The following PPP1R26 variants were observed in gnomAD, a reference collection of about 807,000 sequenced individuals.
PPP1R26 encodes the protein 1A6/DRIM (down-regulated in metastasis) interacting protein.
PPP1R26 carries 22 observed loss-of-function variants against 67.6 expected under a neutral mutation model. The ratio of observed to expected loss-of-function variants is 0.33; its 90% CI spans 0.23 to 0.46. The LOEUF is 0.46. Ranked by LOEUF, PPP1R26 falls within the 20% of genes least tolerant of loss-of-function variation. The pLI, the probability that PPP1R26 is intolerant of heterozygous loss-of-function variation, is 1.00. For synonymous variants in PPP1R26, 729 were observed against 717.2 expected (o/e 1.02, Z -0.26); for missense variants, 1,602 against 1,651.4 (o/e 0.97, Z 0.52).
In PPP1R26 at chr9:135,482,693, A is replaced by G. The variant is rs1830560733; in HGVS notation, c.-318A>G. On this transcript the variant is annotated 5_prime_UTR_variant, in exon 2 of 4. Transcript: ENST00000356818. ...CTTTGATTCTGGTAGTCAAAAGTCT[A>G]TTGAAAAAGCAGAGAGAGAATGCCT... The G allele has an allele frequency of 7.5e-6, 3 of 398,512 alleles. No individual in the cohort carries two copies. In the Admixed American group the frequency reaches 1.3e-4, roughly 18 times the overall value. The allele number at this position is 398,512 out of a possible 1,614,324, so 24.7% of individuals were successfully genotyped here.
At position 135,485,136 on chromosome 9, in the gene PPP1R26, G is replaced by T; in HGVS notation, c.626G>T (p.Gly209Val). 6.2e-7 allele frequency: 1 copy of T among 1,612,892 alleles called. No homozygotes were observed. The highest frequency in any genetic ancestry group is 8.5e-7 in the Non-Finnish European group (1 of 1,179,854). Residue 209 changes from glycine (G) to valine (V), a missense_variant, in exon 4 of 4, where the codon GGC (glycine) becomes GTC (valine). This residue lies in a region of PPP1R26 where 680 missense variants were observed against 726.1 expected (regional missense o/e 0.94). Transcript: ENST00000356818. This position sits in a 1 kb window ranked among gnomAD's most constrained non-coding sequence, Gnocchi z 7.2. Reference sequence around the variant, plus strand: ...CAGGTGGGATCCAGCAAGGACCAGGGCTCCGCCTCCCCGGTCAGTGTGAGC... The same window carrying T: ...CAGGTGGGATCCAGCAAGGACCAGGTCTCCGCCTCCCCGGTCAGTGTGAGC... ...GSQVGSSKDQ[G>V]SASPVSVSSD... is the part of the protein sequence containing the mutation.
chr9:135,487,129 G>T lies in PPP1R26; in HGVS notation c.2619G>T (p.Arg873Ser). The change falls in exon 4 of 4, where the codon AGG becomes AGT. Residue 873 changes from arginine to serine, a missense_variant. Arg to Ser is a moderately radical substitution (Grantham distance 110). Transcript: ENST00000356818. ...CTCTTGGGACAGGGGGCCCAGCCAG[G>T]CCAGAGGTGCTGTGCAGGAAGGAGC... ...PTALGTGGPA[R>S]PEVLCRKEPA... 1 of 1,609,550 alleles carries T rather than the reference G, an allele frequency of 6.2e-7. No individual in the cohort carries two copies. The highest frequency in any genetic ancestry group is 2.2e-5 in the East Asian group (1 of 44,860).
chr9:135,482,269 G>A (rs573457661), intron 1 of PPP1R26, among the ~76,000 whole-genome samples: 109 of 152,302 alleles, frequency 7.2e-4, no homozygotes, highest in African/African-American at 2.5e-3. Flanking sequence ...TAAGGCAGGC[G>A]TGGGTTTGCT....
chr9:135,485,379 G>A lies in PPP1R26; in HGVS notation c.869G>A (p.Arg290His), dbSNP rs142983153. The change falls in exon 4 of 4, where the codon CGC becomes CAC. Residue 290 changes from arginine (R) to histidine (H), a missense_variant. Physicochemically the swap from Arg to His is conservative, Grantham distance 29. This residue lies in a region of PPP1R26 where 680 missense variants were observed against 726.1 expected (regional missense o/e 0.94). Coordinates refer to ENST00000356818, the MANE Select transcript of PPP1R26 (RefSeq NM_014811.5). This position sits in a 1 kb window ranked among gnomAD's most constrained non-coding sequence, Gnocchi z 7.2. ...LLGVQKEFAF[R>H]KPPRLAKMNV... The stretch of plus-strand genomic sequence containing the variant: ...GGCGTCCAGAAGGAGTTTGCCTTCC[G>A]CAAACCTCCCCGGTTAGCGAAGATG... 2.2e-4 allele frequency: 361 copies of A among 1,612,738 alleles called. 1 individual carries two copies. Among genetic ancestry groups the A allele is most frequent in the Admixed American group, 7.5e-4 (45 of 59,980 alleles).
In PPP1R26 at chr9:135,485,388, C is replaced by G. The variant is rs773333544; in HGVS notation, c.878C>G (p.Pro293Arg). The change falls in exon 4 of 4, where the codon CCC becomes CGC. Residue 293 changes from proline (P) to arginine (R), a missense_variant. By Grantham distance (103) the Pro-to-Arg change is moderately radical (BLOSUM62 -2). This residue lies in a region of PPP1R26 where 680 missense variants were observed against 726.1 expected (regional missense o/e 0.94). Transcript: ENST00000356818. The surrounding 1 kb of genome is among the most constrained non-coding windows in gnomAD (Gnocchi z 7.2). The part of the protein sequence containing the change: ...VQKEFAFRKP[P>R]RLAKMNVQPR... ...AAGGAGTTTGCCTTCCGCAAACCTC[C>G]CCGGTTAGCGAAGATGAACGTCCAG... The G allele has an allele frequency of 2.5e-6, 4 of 1,612,912 alleles. No individual in the cohort carries two copies. The highest frequency in any genetic ancestry group is 3.4e-6 in the Non-Finnish European group (4 of 1,180,008).
Position 135,484,564 on chromosome 9 carries a change from C to G in PPP1R26, c.54C>G (p.Ala18=), listed in dbSNP as rs573605570. ...TTGCTCTCCAGTCCAAATGGGAGGCCTTTGGCCCGCCAGGGAGCTGTAGGT... is the reference window on the plus strand; with the variant it reads ...TTGCTCTCCAGTCCAAATGGGAGGCGTTTGGCCCGCCAGGGAGCTGTAGGT... ...PVVALQSKWE[A]FGPPGSCRFP... Residue 18 remains alanine, a synonymous_variant, in exon 4 of 4, where the codon GCC becomes GCG. Coordinates refer to ENST00000356818, the MANE Select transcript of PPP1R26 (RefSeq NM_014811.5). The G allele has an allele frequency of 1.6e-5, 26 of 1,611,976 alleles. No individual in the cohort carries two copies. In the African/African-American group the frequency reaches 2.5e-4, roughly 16 times the overall value.
In PPP1R26 at chr9:135,486,481, C is replaced by A. The variant is rs770865939; in HGVS notation, c.1971C>A (p.Gly657=). 1.9e-6 allele frequency: 3 copies of A among 1,612,674 alleles called. No homozygotes were observed. In the East Asian group the frequency reaches 6.7e-5, roughly 36 times the overall value. The stretch of plus-strand genomic sequence containing the variant: ...GGGAGGGCACCGCCAGGGGCCCTGG[C>A]GACACTCGCATGTCACAGGGCCAGG... ...LGGEGTARGP[G]DTRMSQGQGK... Residue 657 remains glycine (G), a synonymous_variant, in exon 4 of 4, where the codon GGC becomes GGA. Transcript: ENST00000356818. The surrounding 1 kb of genome is among the most constrained non-coding windows in gnomAD (Gnocchi z 6.2).
chr9:135,486,581 G>A lies in PPP1R26; in HGVS notation c.2071G>A (p.Glu691Lys). The change falls in exon 4 of 4, where the codon GAG (glutamate) becomes AAG (lysine). Residue 691 changes from glutamate (E) to lysine (K), a missense_variant. Physicochemically the swap from Glu to Lys is moderately conservative, Grantham distance 56. Transcript: ENST00000356818. The surrounding 1 kb of genome is among the most constrained non-coding windows in gnomAD (Gnocchi z 6.2). The stretch of plus-strand genomic sequence containing the variant: ...CAAAAGCAGCTCCCTGGACAGTGAC[G>A]AGGACCTGGACACAGCCATCAAGGA... The part of the protein sequence containing the change: ...EDKSSSLDSD[E>K]DLDTAIKDLL... 7 of 1,612,144 alleles carry A rather than the reference G, an allele frequency of 4.3e-6. No individual in the cohort carries two copies. The highest frequency in any genetic ancestry group is 1.1e-5 in the South Asian group (1 of 91,010).
chr9:135,487,770 T>C lies in PPP1R26; in HGVS notation c.3260T>C (p.Phe1087Ser). The C allele has an allele frequency of 2.0e-6, 3 of 1,512,272 alleles. No homozygotes were observed. Among genetic ancestry groups the C allele is most frequent in the Non-Finnish European group, 2.6e-6 (3 of 1,133,654 alleles). The allele number at this position is 1,512,272 out of a possible 1,614,324, so 93.7% of individuals were successfully genotyped here. Residue 1087 changes from phenylalanine to serine, a missense_variant, in exon 4 of 4, where the codon TTC becomes TCC. Transcript: ENST00000356818. ...GFSPLLSTQL[F>S]HFGKGVSWGG... ...TCGCCGCTGCTGTCCACCCAGCTCT[T>C]CCACTTTGGAAAGGGTGTCTCCTGG...
rs569134904 is a variant in PPP1R26 at position 135,487,103 on chromosome 9, G to T, written c.2593G>T (p.Ala865Ser). Residue 865 changes from alanine to serine, a missense_variant, in exon 4 of 4, where the codon GCT becomes TCT. By Grantham distance (99) the Ala-to-Ser change is moderately conservative (BLOSUM62 1). Transcript: ENST00000356818. ...AGAAGTTCAGGCAGAGGGCCCCACC[G>T]CTCTTGGGACAGGGGGCCCAGCCAG... ...SSEVQAEGPT[A>S]LGTGGPARPE... is the part of the protein sequence containing the mutation. 5 of 1,611,548 alleles carry T rather than the reference G, an allele frequency of 3.1e-6. No homozygotes were observed. The African/African-American group carries it at 5.3e-5, about 17-fold the overall frequency.
At position 135,485,502 on chromosome 9, in the gene PPP1R26, C is replaced by T. The variant is rs760394859; in HGVS notation, c.992C>T (p.Ala331Val). 4 of 1,613,134 alleles carry T rather than the reference C, an allele frequency of 2.5e-6. No homozygotes were observed. The highest frequency in any genetic ancestry group is 2.5e-6 in the Non-Finnish European group (3 of 1,180,002). Residue 331 changes from alanine (A) to valine (V), a missense_variant, in exon 4 of 4, where the codon GCA becomes GTA. By Grantham distance (64) the Ala-to-Val change is moderately conservative. Around this residue, in one of 5 missense-constraint regions of PPP1R26, gnomAD observed 680 missense variants for 726.1 expected, o/e 0.94. Coordinates refer to ENST00000356818, the MANE Select transcript of PPP1R26 (RefSeq NM_014811.5). The surrounding 1 kb of genome is among the most constrained non-coding windows in gnomAD (Gnocchi z 7.2). The stretch of plus-strand genomic sequence containing the variant: ...ACCCCCTGCCGCCCTTCAGAAGCAG[C>T]ACAGAATAAAGGTGGGATCAAAAGG... ...PATPCRPSEA[A>V]QNKGGIKRSA...
chr9:135,479,563 C>CG (rs1564200999), upstream of PPP1R26: 1 of 145,984 alleles, frequency 6.9e-6, no homozygotes, highest in Non-Finnish European at 1.5e-5. This position sits in a 1 kb window ranked among gnomAD's most constrained non-coding sequence, Gnocchi z 5.9. Flanking sequence ...CGGGGCGGGG[C>CG]GGGGGCGTCC....
Position 135,482,728 on chromosome 9 carries a change from A to G in PPP1R26, c.-283A>G. The stretch of plus-strand genomic sequence containing the variant: ...CAGAGAGAGAATGCCTCGGTGTGTA[A>G]GTGGAGTGATGAGGACCTGATCTCT... On this transcript the variant is annotated 5_prime_UTR_variant, in exon 2 of 4. Transcript: ENST00000356818. 2.5e-6 allele frequency: 1 copy of G among 398,544 alleles called. No individual in the cohort carries two copies. Among genetic ancestry groups the G allele is most frequent in the Non-Finnish European group, 4.4e-6 (1 of 226,042 alleles). 24.7% of individuals were successfully genotyped at this position (398,544 alleles called of 1,614,324 possible).
chr9:135,481,896 G>C (rs1830533310), intron 1 of PPP1R26, among the ~76,000 whole-genome samples: 1 of 152,230 alleles, frequency 6.6e-6, no homozygotes, highest in Non-Finnish European at 1.5e-5. Flanking sequence ...TGGGATTACA[G>C]GCGTCAGCCA....
At position 135,487,074 on chromosome 9, in the gene PPP1R26, G is replaced by A. The variant is rs1830765751; in HGVS notation, c.2564G>A (p.Ser855Asn). The change falls in exon 4 of 4, where the codon AGT becomes AAT. Residue 855 changes from serine to asparagine, a missense_variant. Transcript: ENST00000356818. ...LAEKAKESVS[S>N]SEVQAEGPTA... Reference sequence around the variant, plus strand: ...GAAAAGGCCAAGGAGTCAGTGAGCAGTTCAGAAGTTCAGGCAGAGGGCCCC... The same window carrying A: ...GAAAAGGCCAAGGAGTCAGTGAGCAATTCAGAAGTTCAGGCAGAGGGCCCC... The A allele has an allele frequency of 6.2e-7, 1 of 1,611,458 alleles. No homozygotes were observed. Among genetic ancestry groups the A allele is most frequent in the Non-Finnish European group, 8.5e-7 (1 of 1,179,966 alleles).
chr9:135,484,751 G>T lies in PPP1R26; in HGVS notation c.241G>T (p.Ala81Ser). ...CCACAGGGCAGAGGGATGCCACGAC[G>T]CCAGGCCGGCTGCCAAGCCCACCGT... ...RGHRAEGCHDARPAAKPTVHK... is the reference protein window; with the variant it reads ...RGHRAEGCHDSRPAAKPTVHK... The change falls in exon 4 of 4, where the codon GCC becomes TCC. Residue 81 changes from alanine (A) to serine (S), a missense_variant. Ala to Ser is a moderately conservative substitution (Grantham distance 99). This residue lies in a region of PPP1R26 where 168 missense variants were observed against 176.1 expected (regional missense o/e 0.95). Transcript: ENST00000356818. 1 of 1,610,108 alleles carries T rather than the reference G, an allele frequency of 6.2e-7. No homozygotes were observed. Among genetic ancestry groups the T allele is most frequent in the Non-Finnish European group, 8.5e-7 (1 of 1,178,940 alleles).
chr9:135,482,741 G>A lies in PPP1R26; in HGVS notation c.-270G>A, dbSNP rs1397176236. On this transcript the variant is annotated 5_prime_UTR_variant, in exon 2 of 4. Transcript: ENST00000356818. ...CCTCGGTGTGTAAGTGGAGTGATGA[G>A]GACCTGATCTCTGGGCCGTGTGGGA... 5.0e-5 allele frequency: 20 copies of A among 398,442 alleles called. No homozygotes were observed. Among genetic ancestry groups the A allele is most frequent in the Non-Finnish European group, 8.8e-5 (20 of 226,066 alleles). 24.7% of individuals were successfully genotyped at this position (398,442 alleles called of 1,614,324 possible).
In PPP1R26 at chr9:135,485,053, C is replaced by A. The variant is rs1188022014; in HGVS notation, c.543C>A (p.Ala181=). 4 of 1,603,176 alleles carry A rather than the reference C, an allele frequency of 2.5e-6. No individual in the cohort carries two copies. The African/African-American group carries it at 4.0e-5, about 16-fold the overall frequency. The change falls in exon 4 of 4, where the codon GCC becomes GCA. Residue 181 remains alanine (A), a synonymous_variant. Transcript: ENST00000356818. This position sits in a 1 kb window ranked among gnomAD's most constrained non-coding sequence, Gnocchi z 7.2. ...AGCCGGAACCGGCTCACGGCAGTGC[C>A]CCGACTGCCCTGTGTCCCCCAAAAC... ...RCKPEPAHGS[A]PTALCPPKLV... is the part of the protein sequence containing the mutation.
In PPP1R26 at chr9:135,484,563, C is replaced by G. The variant is rs749142844; in HGVS notation, c.53C>G (p.Ala18Gly). ...GTTGCTCTCCAGTCCAAATGGGAGG[C>G]CTTTGGCCCGCCAGGGAGCTGTAGG... ...PVVALQSKWE[A>G]FGPPGSCRFP... is the part of the protein sequence containing the mutation. The change falls in exon 4 of 4, where the codon GCC (alanine) becomes GGC (glycine). Residue 18 changes from alanine to glycine, a missense_variant. Ala to Gly is a moderately conservative substitution (Grantham distance 60). Transcript: ENST00000356818. The G allele has an allele frequency of 4.5e-5, 73 of 1,611,798 alleles. No homozygotes were observed. The highest frequency in any genetic ancestry group is 5.9e-5 in the Non-Finnish European group (70 of 1,179,852).
Sources: gnomAD v4.1 joint callset for allele counts (sites outside exome capture counted in the v4.1 genomes callset) on GRCh38, gnomAD v4.1.1 for gene constraint, gnomAD v4.1.1 regional missense constraint, Gnocchi (gnomAD v3.1) non-coding constraint, MANE v1.5 for transcripts, NCBI Gene and HGNC (gene_info 2026-07-23, HGNC 2026-07-21) for gene names.